KCNQ1: variants seen among roughly 807,000 people sequenced by gnomAD.
KCNQ1 encodes potassium voltage-gated channel subfamily KQT member 1.
KCNQ1 carries 49 observed loss-of-function variants against 72.4 expected under a neutral mutation model. The ratio of observed to expected loss-of-function variants is 0.68; its 90% CI spans 0.54 to 0.86. The LOEUF (loss-of-function observed/expected upper bound fraction) is 0.86, where lower values mean the gene tolerates loss of function less well. KCNQ1 is among the 40% of genes least tolerant of loss of function. The probability of loss-of-function intolerance (pLI) is 0.00; values close to 1 mark genes in which losing one functional copy is unlikely to be tolerated. For missense variants in KCNQ1, 790 were observed against 945.1 expected, an observed-to-expected ratio of 0.84 and a Z score of 2.15; for synonymous variants, 450 against 412.6, an observed-to-expected ratio of 1.09 and a Z score of -1.10.
chr11:2,524,882 C>A (rs990071482), intron 1 of KCNQ1, among the ~76,000 whole-genome samples: 2 of 152,170 alleles, frequency 1.3e-5, no homozygotes, highest in Non-Finnish European at 2.9e-5. Context: ...CCTCTCTGCA[C>A]GCCGTGGGCC....
At position 2,698,711 on chromosome 11, in the gene KCNQ1, C is replaced by T. The variant is rs1224697643; in HGVS notation, c.1514+36630C>T. ...CCCAAAGACAGACTCCAGACCCTGA[C>T]TCCAGTCGCCAACTCGGACCTCCCT... On this transcript the variant is annotated intron_variant, in intron 11 of 15. Transcript: ENST00000155840. This position sits in a 1 kb window ranked among gnomAD's most constrained non-coding sequence, Gnocchi z 5.1. 2.5e-6 allele frequency: 1 copy of T among 398,830 alleles called. No homozygotes were observed. Among genetic ancestry groups the T allele is most frequent in the African/African-American group, 2.1e-5 (1 of 48,592 alleles). 24.7% of individuals were successfully genotyped at this position (398,830 alleles called of 1,614,324 possible).
intron 11 of KCNQ1, chr11:2,685,904 G>A (rs947592238): frequency 3.5e-5 from 14 of 398,614 alleles, no homozygotes; most frequent in African/African-American, 1.6e-4. Context: ...TGTTCTCCAC[G>A]GATGAGCCTG....
rs1204224587 is a variant in KCNQ1 at position 2,658,046 on chromosome 11, AAGTATAGCCCACACTC to A, written c.1394-3913_1394-3898del. On this transcript the variant is annotated intron_variant, in intron 10 of 15. Transcript: ENST00000155840. This position sits in a 1 kb window ranked among gnomAD's most constrained non-coding sequence, Gnocchi z 4.9. Reference sequence around the variant, plus strand: ...GCTTAGTCTTTAGAAGCGAGTCACTAAGTATAGCCCACACTCAAGGTGGGGAAGGGAGGGGTTCAAC... The same window carrying A: ...GCTTAGTCTTTAGAAGCGAGTCACTAAAGGTGGGGAAGGGAGGGGTTCAAC... 5.0e-6 allele frequency: 2 copies of A among 398,466 alleles called. No individual in the cohort carries two copies. Among genetic ancestry groups the A allele is most frequent in the African/African-American group, 4.1e-5 (2 of 48,618 alleles). 24.7% of individuals were successfully genotyped at this position (398,466 alleles called of 1,614,324 possible). A position where few individuals can be genotyped will look rare whatever the true frequency, so the allele number is the denominator to read the frequency against.
chr11:2,806,747 C>G (rs948019211), intron 15 of KCNQ1, among the ~76,000 whole-genome samples: 1 of 152,230 alleles, frequency 6.6e-6, no homozygotes, highest in Non-Finnish European at 1.5e-5. Flanking sequence ...CGTTCGGGCT[C>G]AGGTTTCCCT....
In KCNQ1 at chr11:2,659,813, T is replaced by C; in HGVS notation, c.1394-2148T>C. 2.5e-6 allele frequency: 1 copy of C among 398,516 alleles called. No homozygotes were observed. Among genetic ancestry groups the C allele is most frequent in the Non-Finnish European group, 4.4e-6 (1 of 226,002 alleles). The allele number at this position is 398,516 out of a possible 1,614,324, so 24.7% of individuals were successfully genotyped here. A position where few individuals can be genotyped will look rare whatever the true frequency, so the allele number is the denominator to read the frequency against. On this transcript the variant is annotated intron_variant, in intron 10 of 15. Coordinates refer to ENST00000155840, the MANE Select transcript of KCNQ1 (RefSeq NM_000218.3). The surrounding 1 kb of genome is among the most constrained non-coding windows in gnomAD (Gnocchi z 4.3). ...AATTTATGGAATTTCATTGTGATTC[T>C]AATTTGCATTTCCATATTTATGTTA...
chr11:2,695,026 G>A lies in KCNQ1; in HGVS notation c.1514+32945G>A, dbSNP rs1787192731. ...AGTGAGGGAGGACAGTGGTCAGAGAGGTAAGCAGGGCAGATCTTGTAAAAA... is the reference window on the plus strand; with the variant it reads ...AGTGAGGGAGGACAGTGGTCAGAGAAGTAAGCAGGGCAGATCTTGTAAAAA... On this transcript the variant is annotated intron_variant, in intron 11 of 15. Coordinates refer to ENST00000155840, the MANE Select transcript of KCNQ1 (RefSeq NM_000218.3). This position sits in a 1 kb window ranked among gnomAD's most constrained non-coding sequence, Gnocchi z 5.2. 2.5e-6 allele frequency: 1 copy of A among 398,652 alleles called. No individual in the cohort carries two copies. Among genetic ancestry groups the A allele is most frequent in the Non-Finnish European group, 4.4e-6 (1 of 226,084 alleles). The allele number at this position is 398,652 out of a possible 1,614,324, so 24.7% of individuals were successfully genotyped here.
In KCNQ1 at chr11:2,698,608, CCT is replaced by C; in HGVS notation, c.1514+36528_1514+36529del. On this transcript the variant is annotated intron_variant, in intron 11 of 15. Coordinates refer to ENST00000155840, the MANE Select transcript of KCNQ1 (RefSeq NM_000218.3). This position sits in a 1 kb window ranked among gnomAD's most constrained non-coding sequence, Gnocchi z 5.1. ...TAGAGGCAGAACTTCGACTTCAATT[CCT>C]GACTCCCATACCCCACTGAGACCTC... 2.5e-6 allele frequency: 1 copy of C among 398,578 alleles called. No individual in the cohort carries two copies. Among genetic ancestry groups the C allele is most frequent in the Admixed American group, 4.4e-5 (1 of 22,730 alleles). The allele number at this position is 398,578 out of a possible 1,614,324, so 24.7% of individuals were successfully genotyped here. A position where few individuals can be genotyped will look rare whatever the true frequency, so the allele number is the denominator to read the frequency against.
intron 11 of KCNQ1, among the ~76,000 whole-genome samples, chr11:2,731,730 G>C (rs1845861875): frequency 6.6e-6 from 1 of 152,350 alleles, no homozygotes; most frequent in African/African-American, 2.4e-5. Context: ...GGGAGGGCTG[G>C]TCCAGAGTCC....
rs371168 is a variant in KCNQ1, at chr11:2,828,775, C to T, written c.1795-18992C>T. Among the ~76,000 whole-genome samples, 1 of 152,208 alleles carries T rather than the reference C, an allele frequency of 6.6e-6. No individual in the cohort carries two copies. Among genetic ancestry groups the T allele is most frequent in the African/African-American group, 2.4e-5 (1 of 41,436 alleles). ...AATGCATTCAAGCTAAAAAGGAAGACCTCCTCCCCCACTTCCCTCATCAAC... is the reference window on the plus strand; with the variant it reads ...AATGCATTCAAGCTAAAAAGGAAGATCTCCTCCCCCACTTCCCTCATCAAC... On this transcript the variant is annotated intron_variant, in intron 15 of 15. Transcript: ENST00000155840. The surrounding 1 kb of genome is among the most constrained non-coding windows in gnomAD (Gnocchi z 5.3).
At position 2,745,686 on chromosome 11, in the gene KCNQ1, G is replaced by A. The variant is rs1463029207; in HGVS notation, c.1515-23158G>A. On this transcript the variant is annotated intron_variant, in intron 11 of 15. Transcript: ENST00000155840. The surrounding 1 kb of genome is among the most constrained non-coding windows in gnomAD (Gnocchi z 6.2). ...ATCCTTCTGCTGGGCCTCAGCACCC[G>A]GCGGAGGCAGGGGCTTCCTCTGACA... Among the ~76,000 whole-genome samples, 1 of 152,150 alleles carries A rather than the reference G, an allele frequency of 6.6e-6. No homozygotes were observed. Among genetic ancestry groups the A allele is most frequent in the Non-Finnish European group, 1.5e-5 (1 of 68,024 alleles).
Position 2,664,680 on chromosome 11 carries a change from C to G in KCNQ1, c.1514+2599C>G. 1 of 398,826 alleles carries G rather than the reference C, an allele frequency of 2.5e-6. No homozygotes were observed. The highest frequency in any genetic ancestry group is 4.4e-6 in the Non-Finnish European group (1 of 226,256). The allele number at this position is 398,826 out of a possible 1,614,324, so 24.7% of individuals were successfully genotyped here. On this transcript the variant is annotated intron_variant, in intron 11 of 15. Coordinates refer to ENST00000155840, the MANE Select transcript of KCNQ1 (RefSeq NM_000218.3). The surrounding 1 kb of genome is among the most constrained non-coding windows in gnomAD (Gnocchi z 5.1). Reference sequence around the variant, plus strand: ...ATGCAGCGAAGCTCCTGTGGGCAGCCTGGCCCCATGGACCCTGAACTGGGA... The same window carrying G: ...ATGCAGCGAAGCTCCTGTGGGCAGCGTGGCCCCATGGACCCTGAACTGGGA...
In KCNQ1 at chr11:2,826,707, C is replaced by T. The variant is rs2134062496; in HGVS notation, c.1795-21060C>T. On this transcript the variant is annotated intron_variant, in intron 15 of 15. Transcript: ENST00000155840. The surrounding 1 kb of genome is among the most constrained non-coding windows in gnomAD (Gnocchi z 4.2). ...CAGAGGGCCAGAGAGGCACGGGGCT[C>T]CCCTGGGCACCCCTCGTCTTGGGGC... is the stretch of plus-strand genomic sequence containing the variant. Among the ~76,000 whole-genome samples, 1 of 152,382 alleles carries T rather than the reference C, an allele frequency of 6.6e-6. No individual in the cohort carries two copies. Among genetic ancestry groups the T allele is most frequent in the South Asian group, 2.1e-4 (1 of 4,832 alleles).
intron 2 of KCNQ1, among the ~76,000 whole-genome samples, chr11:2,530,412 G>T (rs1041080072): frequency 1.3e-5 from 2 of 152,372 alleles, no homozygotes; most frequent in East Asian, 1.9e-4. Context: ...CCTGGTAGTT[G>T]TCCCTGGAGG....
At chr11:2,822,017 T>C in intron 15 of KCNQ1, among the ~76,000 whole-genome samples, 1 of 152,120 alleles carries the variant, frequency 6.6e-6, no homozygotes, top group East Asian at 1.9e-4. Flanking sequence ...CAAGGGTCCT[T>C]CTAAGAGGGA....
intron 15 of KCNQ1, among the ~76,000 whole-genome samples, chr11:2,839,060 G>A (rs549167563): frequency 1.7e-4 from 26 of 152,294 alleles, no homozygotes; most frequent in Non-Finnish European, 3.5e-4. Flanking sequence ...CGGGCTCTTG[G>A]ACAGAGCCGC....
In KCNQ1 at chr11:2,663,476, ATGT is replaced by A. The variant is rs1301856197; in HGVS notation, c.1514+1399_1514+1401del. On this transcript the variant is annotated intron_variant, in intron 11 of 15. Coordinates refer to ENST00000155840, the MANE Select transcript of KCNQ1 (RefSeq NM_000218.3). This position sits in a 1 kb window ranked among gnomAD's most constrained non-coding sequence, Gnocchi z 5.2. ...GTGATCAGTGTTAGTTTAGTGGCTC[ATGT>A]TGTGTGCAATACAGGTGGCAGTGCC... 2 of 398,506 alleles carry A rather than the reference ATGT, an allele frequency of 5.0e-6. No individual in the cohort carries two copies. Among genetic ancestry groups the A allele is most frequent in the African/African-American group, 4.1e-5 (2 of 48,602 alleles). 24.7% of individuals were successfully genotyped at this position (398,506 alleles called of 1,614,324 possible).
chr11:2,548,200 C>T (rs1847927572), intron 2 of KCNQ1, among the ~76,000 whole-genome samples: 1 of 152,166 alleles, frequency 6.6e-6, no homozygotes, highest in Non-Finnish European at 1.5e-5. Flanking sequence ...GTCCCAGGGT[C>T]ATGCGTGTTT....
intron 4 of KCNQ1, 35 bp downstream of exon 4, chr11:2,571,438 G>T: frequency 6.4e-7 from 1 of 1,573,324 alleles, no homozygotes; most frequent in Non-Finnish European, 8.7e-7. Context: ...CCGCCATGCC[G>T]CCCCACCCCG....
intron 2 of KCNQ1, among the ~76,000 whole-genome samples, chr11:2,548,418 A>G (rs576405691): frequency 5.3e-4 from 81 of 152,318 alleles, no homozygotes; most frequent in African/African-American, 1.8e-3. Flanking sequence ...CTGTATTCTG[A>G]CTTATTTGAA....
Sources: gnomAD v4.1 joint callset for allele counts (sites outside exome capture counted in the v4.1 genomes callset) on GRCh38, gnomAD v4.1.1 for gene constraint, Gnocchi (gnomAD v3.1) non-coding constraint, MANE v1.5 for transcripts, NCBI Gene and HGNC (gene_info 2026-07-23, HGNC 2026-07-21) for gene names.